Variants in POLN observed in about 807,000 individuals in gnomAD.
POLN encodes the protein DNA polymerase N.
A neutral mutation model predicts 113.5 loss-of-function variants in POLN; 108 were observed. The observed-to-expected ratio is 0.95, with a 90% CI of 0.81 to 1.12. The LOEUF (loss-of-function observed/expected upper bound fraction) is 1.12, where lower values mean the gene tolerates loss of function less well. POLN is among the 50% of genes most tolerant of loss of function. POLN has a pLI of 0.00. For missense variants in POLN, 1,097 were observed against 1,077.1 expected (o/e 1.02, Z -0.26); for synonymous variants, 386 against 391.5 (o/e 0.99, Z 0.17).
At chr4:2,155,546 C>T (rs1020878815) in intron 16 of POLN, among the ~76,000 whole-genome samples, 6 of 152,180 alleles carry the variant, frequency 3.9e-5, no homozygotes, top group African/African-American at 1.4e-4. Flanking sequence ...TGGGTGAAGG[C>T]CTGACCCTTA....
intron 19 of POLN, among the ~76,000 whole-genome samples, chr4:2,101,978 G>C (rs1318407320): frequency 6.6e-6 from 1 of 152,150 alleles, no homozygotes; most frequent in Non-Finnish European, 1.5e-5. Flanking sequence ...GCTGGGATGG[G>C]GGAGGATGCC....
At chr4:2,179,606 T>C (rs1733083805) in intron 7 of POLN, 141 bp from the exon 8 acceptor site, 1 of 876,362 alleles carries the variant, frequency 1.1e-6, no homozygotes, top group Non-Finnish European at 1.8e-6. Context: ...AAAGTGACTT[T>C]CCATTATTCT....
In POLN at chr4:2,081,642, C is replaced by G. The variant is rs749012576; in HGVS notation, c.2299G>C (p.Val767Leu). The G allele has an allele frequency of 6.2e-7, 1 of 1,614,192 alleles. No individual in the cohort carries two copies. Among genetic ancestry groups the G allele is most frequent in the Non-Finnish European group, 8.5e-7 (1 of 1,180,006 alleles). Reference sequence around the variant, plus strand: ...AAGAGGCTTCTGGTACCTTGCACCACGAAGTTCACTGCCTGTCGCTCTGCT... The same window carrying G: ...AAGAGGCTTCTGGTACCTTGCACCAGGAAGTTCACTGCCTGTCGCTCTGCT... ...AQAERQAVNF[V>L]VQGSAADLCK... The change falls in exon 22 of 26, where the codon GTG (valine) becomes CTG (leucine). Residue 767 changes from valine to leucine, a missense_variant. By Grantham distance (32) the Val-to-Leu change is conservative. Transcript: ENST00000511885.
chr4:2,179,927 A>C (rs1318271326), intron 7 of POLN, among the ~76,000 whole-genome samples: 1 of 152,224 alleles, frequency 6.6e-6, no homozygotes, highest in African/African-American at 2.4e-5. Flanking sequence ...CCTCTCGAGC[A>C]AAAGGAAGAA....
intron 16 of POLN, among the ~76,000 whole-genome samples, chr4:2,149,198 G>A (rs887069675): frequency 6.6e-6 from 1 of 152,156 alleles, no homozygotes; most frequent in East Asian, 1.9e-4. Context: ...GGAGGCTGAG[G>A]CAGGAGAATT....
chr4:2,190,558 G>A (rs191514880), intron 7 of POLN, among the ~76,000 whole-genome samples: 1 of 151,802 alleles, frequency 6.6e-6, no homozygotes, highest in Non-Finnish European at 1.5e-5. Flanking sequence ...AGCAAAAGCT[G>A]TACAGCAAAG....
intron 13 of POLN, among the ~76,000 whole-genome samples, chr4:2,168,708 G>A (rs896882332): frequency 2.6e-5 from 4 of 152,170 alleles, no homozygotes; most frequent in African/African-American, 9.7e-5. Context: ...TGGAGCTCTG[G>A]GGCATGCTGC....
intron 5 of POLN, among the ~76,000 whole-genome samples, chr4:2,207,440 C>T (rs1461411518): frequency 6.6e-6 from 1 of 150,828 alleles, no homozygotes; most frequent in Admixed American, 6.6e-5. Flanking sequence ...CAAAAGACAC[C>T]CTCAATAATT....
At chr4:2,182,001 A>C (rs76023992) in intron 7 of POLN, among the ~76,000 whole-genome samples, 2 of 148,768 alleles carry the variant, frequency 1.3e-5, no homozygotes, top group Non-Finnish European at 3.0e-5. Context: ...CTCCGTCTCA[A>C]AAAAAAAAAA....
intron 19 of POLN, among the ~76,000 whole-genome samples, chr4:2,119,829 G>A (rs35472680): frequency 1.3e-4 from 20 of 152,120 alleles, no homozygotes; most frequent in Admixed American, 1.2e-3. Flanking sequence ...ACGAATGTTG[G>A]ATTACTATTG....
At chr4:2,085,556 C>T (rs916894596) in intron 21 of POLN, 57 bp downstream of exon 21, 143 of 1,602,258 alleles carry the variant, frequency 8.9e-5, no homozygotes, top group Non-Finnish European at 1.2e-4. Flanking sequence ...AGCTGTCCCC[C>T]CATCCTCCCA....
At chr4:2,073,496 C>T (rs1388345092) in intron 24 of POLN, among the ~76,000 whole-genome samples, 1 of 152,222 alleles carries the variant, frequency 6.6e-6, no homozygotes, top group East Asian at 1.9e-4. Context: ...CCCCCCATCC[C>T]CACTACTGCC....
chr4:2,110,462 G>A (rs1049948961), intron 19 of POLN, among the ~76,000 whole-genome samples: 26 of 152,088 alleles, frequency 1.7e-4, no homozygotes, highest in Admixed American at 5.2e-4. Flanking sequence ...CTGGTTTTTC[G>A]AAAAGATCAA....
intron 18 of POLN, among the ~76,000 whole-genome samples, chr4:2,128,514 T>C (rs1005065358): frequency 5.3e-5 from 8 of 151,798 alleles, no homozygotes; most frequent in African/African-American, 1.9e-4. Flanking sequence ...ATCAACAAAG[T>C]GACATTGAGT....
At chr4:2,162,013 TCA>T (rs1224324618) in intron 13 of POLN, among the ~76,000 whole-genome samples, 1 of 152,060 alleles carries the variant, frequency 6.6e-6, no homozygotes, top group Non-Finnish European at 1.5e-5. Context: ...CAGCGCCCTG[TCA>T]AAACAGACCA....
intron 16 of POLN, among the ~76,000 whole-genome samples, chr4:2,133,971 G>A (rs747150313): frequency 1.6e-4 from 25 of 152,050 alleles, no homozygotes; most frequent in Non-Finnish European, 2.2e-4. Flanking sequence ...TAGTTTTACC[G>A]CCCTAAACGA....
intron 19 of POLN, among the ~76,000 whole-genome samples, chr4:2,098,670 G>C (rs1730853333): frequency 6.6e-6 from 1 of 152,190 alleles, no homozygotes; most frequent in African/African-American, 2.4e-5. Flanking sequence ...TATACACACA[G>C]GTTGGCATGC....
At chr4:2,091,677 C>T (rs1730665483) in intron 20 of POLN, among the ~76,000 whole-genome samples, 1 of 152,112 alleles carries the variant, frequency 6.6e-6, no homozygotes, top group African/African-American at 2.4e-5. Flanking sequence ...ACACTAAGTA[C>T]TCCATACCTC....
At chr4:2,085,567 C>G in intron 21 of POLN, 46 bp downstream of exon 21, 1 of 1,607,638 alleles carries the variant, frequency 6.2e-7, no homozygotes, top group Non-Finnish European at 8.5e-7. Context: ...CATCCTCCCA[C>G]AGAGGGTTGG....
Sources: gnomAD v4.1 joint callset for allele counts (sites outside exome capture counted in the v4.1 genomes callset) on GRCh38, gnomAD v4.1.1 for gene constraint, MANE v1.5 for transcripts, NCBI Gene and HGNC (gene_info 2026-07-23, HGNC 2026-07-21) for gene names.